The following TRPC5 variants were observed in gnomAD, a reference collection of about 807,000 sequenced individuals.
TRPC5 encodes the protein short transient receptor potential channel 5.
In TRPC5, 9 loss-of-function variants were observed where a neutral mutation model predicts 56.5. The observed-to-expected ratio is 0.16, with a 90% CI of 0.10 to 0.28. The LOEUF is 0.28. Among genes scored for constraint, TRPC5 ranks in the 10% least tolerant of loss-of-function variants. TRPC5 has a pLI of 1.00. For synonymous variants in TRPC5, 282 were observed against 278.5 expected, an observed-to-expected ratio of 1.01 and a Z score of -0.13; for missense variants, 469 against 748.9, an observed-to-expected ratio of 0.63 and a Z score of 4.36.
At chrX:111,925,173 G>A (rs1260324441) in intron 2 of TRPC5, among the ~76,000 whole-genome samples, 1 of 112,042 alleles carries the variant, frequency 8.9e-6, no homozygotes, top group East Asian at 2.8e-4. Flanking sequence ...TTTCCTTGAC[G>A]ACGACACAGG....
chrX:111,965,292 C>T (rs779862187), intron 1 of TRPC5, among the ~76,000 whole-genome samples: 56 of 112,046 alleles, frequency 5.0e-4, no homozygotes, highest in African/African-American at 1.8e-3. Context: ...AATATATATG[C>T]ACCCAATACA....
At chrX:112,054,431 C>T (rs751936363) in intron 1 of TRPC5, among the ~76,000 whole-genome samples, 2 of 110,974 alleles carry the variant, frequency 1.8e-5, no homozygotes, top group Non-Finnish European at 3.8e-5. Context: ...GAGGATGTAA[C>T]TCAATAGGTA....
At chrX:111,950,663 T>G (rs1927064253) in intron 2 of TRPC5, among the ~76,000 whole-genome samples, 1 of 112,051 alleles carries the variant, frequency 8.9e-6, no homozygotes, top group Admixed American at 9.4e-5. Context: ...CTATGGAAAT[T>G]TAAGAACAAA....
intron 2 of TRPC5, among the ~76,000 whole-genome samples, chrX:111,927,296 T>TG (rs1169300818): frequency 3.6e-5 from 4 of 112,008 alleles, no homozygotes; most frequent in African/African-American, 6.5e-5. Context: ...AATGTCCCCC[T>TG]GGGGGGCAAA....
intron 3 of TRPC5, among the ~76,000 whole-genome samples, chrX:111,891,985 G>A (rs1050755339): frequency 3.6e-5 from 4 of 112,224 alleles, no homozygotes; most frequent in Middle Eastern, 4.6e-3. Context: ...AAAAACAGAA[G>A]GGCCTTTCCT....
chrX:111,982,501 G>A (rs1259846179), intron 1 of TRPC5, among the ~76,000 whole-genome samples: 1 of 111,234 alleles, frequency 9.0e-6, no homozygotes, highest in Non-Finnish European at 1.9e-5. Context: ...CACAGGGCAT[G>A]GTAATATTAA....
At chrX:111,924,767 C>T (rs1011196853) in intron 2 of TRPC5, among the ~76,000 whole-genome samples, 1 of 112,599 alleles carries the variant, frequency 8.9e-6, no homozygotes, top group Non-Finnish European at 1.9e-5. Context: ...AGGCAGCTGA[C>T]GCTGGTCTCC....
chrX:111,865,029 C>A (rs749630583), intron 3 of TRPC5, among the ~76,000 whole-genome samples: 1 of 110,253 alleles, frequency 9.1e-6, no homozygotes, highest in Non-Finnish European at 1.9e-5. Context: ...GACAGAGTAC[C>A]GCTCTGTCTG....
At chrX:111,848,340 C>T (rs1364742010) in intron 5 of TRPC5, among the ~76,000 whole-genome samples, 3 of 111,646 alleles carry the variant, frequency 2.7e-5, no homozygotes, top group African/African-American at 9.8e-5. Context: ...CTGCCTGTAT[C>T]TTTTAATTTC....
At chrX:111,990,854 G>GA (rs937176166) in intron 1 of TRPC5, among the ~76,000 whole-genome samples, 1 of 111,713 alleles carries the variant, frequency 9.0e-6, no homozygotes, top group African/African-American at 3.3e-5. Context: ...AAAAATCAAG[G>GA]AAAAATGTTT....
At position 111,941,535 on chromosome X, in the gene TRPC5, T is replaced by A. The variant is rs144700117; in HGVS notation, c.378+10508A>T. On this transcript the variant is annotated intron_variant, in intron 2 of 10. Coordinates refer to ENST00000262839, the MANE Select transcript of TRPC5 (RefSeq NM_012471.3). ...GGTCAGGGATGTGCAAAGTGTGGCA[T>A]TTCCACCAGTCGTGGAGGTGGCTTC... 6.5e-3 allele frequency among the ~76,000 whole-genome samples: 732 copies of A among 112,191 alleles called. 4 individuals carry two copies. The highest frequency in any genetic ancestry group is 0.023 in the African/African-American group (705 of 30,856).
intron 3 of TRPC5, among the ~76,000 whole-genome samples, chrX:111,872,348 A>G (rs1268601978): frequency 8.9e-6 from 1 of 111,977 alleles, no homozygotes; most frequent in Non-Finnish European, 1.9e-5. Context: ...TGGTGGTAGT[A>G]GGCGGTAGGG....
intron 7 of TRPC5, among the ~76,000 whole-genome samples, chrX:111,809,555 G>A (rs894678402): frequency 8.9e-5 from 10 of 111,955 alleles, no homozygotes; most frequent in African/African-American, 1.9e-4. Context: ...GGATGGTGTC[G>A]GGAATGCGTG....
chrX:111,915,570 C>T (rs1179015941), intron 2 of TRPC5, among the ~76,000 whole-genome samples: 1 of 111,955 alleles, frequency 8.9e-6, no homozygotes, highest in African/African-American at 3.2e-5. Flanking sequence ...TCTCTTGCTG[C>T]CCGCTCAAAT....
chrX:112,018,015 T>C (rs148369435), intron 1 of TRPC5, among the ~76,000 whole-genome samples: 3 of 112,716 alleles, frequency 2.7e-5, no homozygotes, highest in African/African-American at 9.6e-5. Flanking sequence ...ACTGATTACA[T>C]GTTGAATGAT....
chrX:112,005,496 C>T (rs1928816017), intron 1 of TRPC5, among the ~76,000 whole-genome samples: 1 of 103,671 alleles, frequency 9.6e-6, no homozygotes, highest in South Asian at 4.0e-4. Context: ...CTTACCAACT[C>T]CAGGGTCCCT....
intron 1 of TRPC5, among the ~76,000 whole-genome samples, chrX:112,061,580 G>T (rs1481729754): frequency 2.7e-5 from 3 of 111,881 alleles, no homozygotes; most frequent in Non-Finnish European, 5.6e-5. Context: ...TCTGGCATTT[G>T]ATTTGGGGTT....
rs182997841 is a variant in TRPC5 at position 111,864,048 on chromosome X, G to A, written c.901-9942C>T. ...GTTGCCCAGGCTGGAGTGCAGTGGC[G>A]CGATCTCAGCTCACTGCAAGCTCCG... On this transcript the variant is annotated intron_variant, in intron 3 of 10. Transcript: ENST00000262839. 4.8e-3 allele frequency among the ~76,000 whole-genome samples: 529 copies of A among 110,891 alleles called. 4 individuals are homozygous for A. The highest frequency in any genetic ancestry group is 6.8e-3 in the Non-Finnish European group (361 of 52,925).
intron 1 of TRPC5, among the ~76,000 whole-genome samples, chrX:111,961,699 C>T (rs760360186): frequency 8.9e-6 from 1 of 112,053 alleles, no homozygotes; most frequent in East Asian, 2.8e-4. Flanking sequence ...AGGTTATTTG[C>T]TCAGTATAGC....
Sources: allele counts gnomAD v4.1 joint callset (sites outside exome capture counted in the v4.1 genomes callset), GRCh38; gene constraint gnomAD v4.1.1; transcripts MANE v1.5; gene names NCBI Gene and HGNC (gene_info 2026-07-23, HGNC 2026-07-21).